The following FLII variants were observed in gnomAD, a reference collection of about 807,000 sequenced individuals.
The protein encoded by FLII is protein flightless-1 homolog.
A neutral mutation model predicts 156.2 loss-of-function variants in FLII; 101 were observed. That is an observed-to-expected ratio of 0.65 (90% CI 0.55 to 0.76). The LOEUF (loss-of-function observed/expected upper bound fraction) is 0.76, where lower values mean the gene tolerates loss of function less well. Ranked by LOEUF, FLII falls within the 30% of genes least tolerant of loss-of-function variation. The probability of loss-of-function intolerance (pLI) is 0.00; values close to 1 mark genes in which losing one functional copy is unlikely to be tolerated. For synonymous variants in FLII, 767 were observed against 685.8 expected, an observed-to-expected ratio of 1.12 and a Z score of -1.85; for missense variants, 1,675 against 1,682.8, an observed-to-expected ratio of 1.00 and a Z score of 0.08.
At chr17:18,252,286 GC>G in intron 10 of FLII, 140 bp from the exon 11 acceptor site, 1 of 928,786 alleles carries the variant, frequency 1.1e-6, no homozygotes, top group Non-Finnish European at 1.7e-6. Flanking sequence ...CACCTCTGGG[GC>G]TGGCTGGGGG....
At chr17:18,250,644 C>A (rs2048231850) in intron 14 of FLII, among the ~76,000 whole-genome samples, 194 bp downstream of exon 14, 1 of 152,176 alleles carries the variant, frequency 6.6e-6, no homozygotes, top group Non-Finnish European at 1.5e-5. Context: ...CCTTTGCTGA[C>A]CCAGGCTTTG....
chr17:18,257,612 T>C (rs563641456), intron 1 of FLII, among the ~76,000 whole-genome samples: 78 of 152,350 alleles, frequency 5.1e-4, no homozygotes, highest in African/African-American at 1.8e-3. Flanking sequence ...GCGGCTGATA[T>C]TCCTTTCCCC....
At position 18,247,176 on chromosome 17, in the gene FLII, A is replaced by T; in HGVS notation, c.2669T>A (p.Leu890Gln). ...LFLPRQPPMS[L>Q]AEAEQLMEEW... The stretch of plus-strand genomic sequence containing the variant: ...TCCCGGCCCTGCCCCCACCTCGGCC[A>T]GCGACATGGGCGGCTGCCGCGGCAG... Residue 890 changes from leucine (L) to glutamine (Q), a missense_variant, in exon 21 of 30, where the codon CTG becomes CAG. By Grantham distance (113) the Leu-to-Gln change is moderately radical. Coordinates refer to ENST00000327031, the MANE Select transcript of FLII (RefSeq NM_002018.4). 1.6e-6 allele frequency: 2 copies of T among 1,265,628 alleles called. No homozygotes were observed. Among genetic ancestry groups the T allele is most frequent in the Non-Finnish European group, 2.0e-6 (2 of 990,144 alleles). 78.4% of individuals were successfully genotyped at this position (1,265,628 alleles called of 1,614,324 possible). A position where few individuals can be genotyped will look rare whatever the true frequency, so the allele number is the denominator to read the frequency against.
chr17:18,246,510 C>A (rs770315054), intron 23 of FLII, 48 bp from the exon 24 acceptor site: 5 of 1,612,392 alleles, frequency 3.1e-6, no homozygotes, highest in Non-Finnish European at 4.2e-6. Flanking sequence ...CCCCACCTGC[C>A]CCTCGGGAGC....
intron 7 of FLII, 180 bp from the exon 8 acceptor site, chr17:18,253,899 T>A: frequency 1.3e-6 from 1 of 773,896 alleles, no homozygotes. Context: ...TGCGGGGGAG[T>A]TTTCTAGGCA....
intron 21 of FLII, 46 bp downstream of exon 21, chr17:18,247,123 G>T (rs1455145897): frequency 1.7e-5 from 21 of 1,249,230 alleles, no homozygotes; most frequent in South Asian, 9.7e-5. Flanking sequence ...CCCTCGGCCT[G>T]CCCCCCACCC....
At chr17:18,252,225 G>T in intron 10 of FLII, 79 bp from the exon 11 acceptor site, 1 of 1,362,826 alleles carries the variant, frequency 7.3e-7, no homozygotes, top group Non-Finnish European at 1.0e-6. Context: ...TCTTGCTCTT[G>T]TCTGCAGCCG....
rs1256169771 is a variant in FLII, at chr17:18,258,442, C to G, written c.63+186G>C. The G allele has an allele frequency of 1.3e-6, 2 of 1,495,620 alleles. No individual in the cohort carries two copies. Among genetic ancestry groups the G allele is most frequent in the South Asian group, 2.5e-5 (2 of 80,608 alleles). 92.6% of individuals were successfully genotyped at this position (1,495,620 alleles called of 1,614,324 possible). A position where few individuals can be genotyped will look rare whatever the true frequency, so the allele number is the denominator to read the frequency against. ...CCGGCCTGCCCAGCCTCGGTCTCCC[C>G]GTACAGGCACTGGGCGGAGGCCTCG... is the stretch of plus-strand genomic sequence containing the variant. On this transcript the variant is annotated intron_variant, in intron 1 of 29. Transcript: ENST00000327031. This position sits in a 1 kb window ranked among gnomAD's most constrained non-coding sequence, Gnocchi z 4.2.
rs748005050 is a variant in FLII, at chr17:18,247,003, C to T, written c.2726G>A (p.Gly909Asp). The change falls in exon 22 of 30, where the codon GGT becomes GAT. Residue 909 changes from glycine to aspartate, a missense_variant. Physicochemically the swap from Gly to Asp is moderately conservative, Grantham distance 94 (BLOSUM62 -1). Coordinates refer to ENST00000327031, the MANE Select transcript of FLII (RefSeq NM_002018.4). The stretch of plus-strand genomic sequence containing the variant: ...AAACTTCTTGCCCTCCAGCACGAAA[C>T]CCTCCATGCCGTCTAGGTCTTCGTT... ...EWNEDLDGME[G>D]FVLEGKKFAR... 1.2e-6 allele frequency: 2 copies of T among 1,614,076 alleles called. No homozygotes were observed. Among genetic ancestry groups the T allele is most frequent in the Non-Finnish European group, 1.7e-6 (2 of 1,180,012 alleles).
chr17:18,256,781 C>T, intron 2 of FLII, 128 bp downstream of exon 2: 1 of 787,056 alleles, frequency 1.3e-6, no homozygotes, highest in East Asian at 2.7e-5. Flanking sequence ...GTGCCCACTC[C>T]CTTTCTTCCA....
At position 18,245,789 on chromosome 17, in the gene FLII, G is replaced by C; in HGVS notation, c.3458C>G (p.Pro1153Arg). The change falls in exon 27 of 30, where the codon CCC becomes CGC. Residue 1153 changes from proline (P) to arginine (R), a missense_variant. Physicochemically the swap from Pro to Arg is moderately radical, Grantham distance 103. Around this residue, in one of 2 missense-constraint regions of FLII, gnomAD observed 1,332 missense variants for 1,269.3 expected, o/e 1.05. Transcript: ENST00000327031. ...CATGTACTCGGCATCGTCATCATAG[G>C]GCTTCTGTGCCCCAATGCCCACCCA... Reference protein sequence around the residue: ...FFWVGIGAQKPYDDDAEYMKH... With the variant: ...FFWVGIGAQKRYDDDAEYMKH... 1 of 1,614,000 alleles carries C rather than the reference G, an allele frequency of 6.2e-7. No homozygotes were observed. The highest frequency in any genetic ancestry group is 8.5e-7 in the Non-Finnish European group (1 of 1,179,992).
intron 9 of FLII, 76 bp from the exon 10 acceptor site, chr17:18,252,632 G>A: frequency 8.6e-7 from 1 of 1,160,460 alleles, no homozygotes; most frequent in East Asian, 2.3e-5. Flanking sequence ...CCCTAGTCCT[G>A]GGGAGGGGAG....
Position 18,249,174 on chromosome 17 carries a change from GT to G in FLII, c.1886del (p.Asn629ThrfsTer26). 2 of 1,614,198 alleles carry G rather than the reference GT, an allele frequency of 1.2e-6. No homozygotes were observed. Among genetic ancestry groups the G allele is most frequent in the Non-Finnish European group, 1.7e-6 (2 of 1,180,038 alleles). ...TRMYRVYGKK[N>X]IKLEPVPLKG... ...TGAGGGGCACAGGCTCCAACTTGAT[GT>G]TCTTTTTCCCATACACACGATACAT... On this transcript the variant is annotated frameshift_variant, in exon 16 of 30. Transcript: ENST00000327031. LOFTEE classifies it high-confidence loss of function.
rs1217387200 is a variant in FLII at position 18,254,148 on chromosome 17, G to A, written c.610C>T (p.His204Tyr). 6.2e-7 allele frequency: 1 copy of A among 1,610,830 alleles called. No homozygotes were observed. ...TGGGTGCGCTGGGTGCTCCGCAGGT[G>A]CAGGGTCTGCAGGGCCGTCATCGCT... is the stretch of plus-strand genomic sequence containing the variant. ...LPAMTALQTL[H>Y]LRSTQRTQSN... The change falls in exon 7 of 30, where the codon CAC becomes TAC. Residue 204 changes from histidine to tyrosine, a missense_variant. Around this residue, in one of 2 missense-constraint regions of FLII, gnomAD observed 343 missense variants for 413.5 expected, o/e 0.83. Transcript: ENST00000327031.
chr17:18,248,018 C>G lies in FLII; in HGVS notation c.2206G>C (p.Gly736Arg). ...TTGATCTGTGGCAGCTCCAGGTAGC[C>G]CAAGCCCAGGCCCACCTGGCAGGAA... is the stretch of plus-strand genomic sequence containing the variant. ...PKLYKVGLGL[G>R]YLELPQINYK... The change falls in exon 19 of 30, where the codon GGC becomes CGC. Residue 736 changes from glycine (G) to arginine (R), a missense_variant. Gly to Arg is a moderately radical substitution (Grantham distance 125, BLOSUM62 -2). Transcript: ENST00000327031. The G allele has an allele frequency of 6.2e-7, 1 of 1,613,382 alleles. No individual in the cohort carries two copies. Among genetic ancestry groups the G allele is most frequent in the South Asian group, 1.1e-5 (1 of 91,038 alleles).
chr17:18,245,114 A>G lies in FLII; in HGVS notation c.*24T>C. 6.3e-7 allele frequency: 1 copy of G among 1,596,024 alleles called. No homozygotes were observed. The highest frequency in any genetic ancestry group is 8.6e-7 in the Non-Finnish European group (1 of 1,168,762). ...TGAGGCCCCTTCCTCTTCCTCACCA[A>G]GCCTGGGGCTGTGCCAGCCTGTCTT... On this transcript the variant is annotated 3_prime_UTR_variant, in exon 30 of 30. Transcript: ENST00000327031.
rs1322612811 is a variant in FLII, at chr17:18,258,680, G to A, written c.11C>T (p.Thr4Ile). Residue 4 changes from threonine to isoleucine, a missense_variant, in exon 1 of 30, where the codon ACC becomes ATC. Around this residue, in one of 2 missense-constraint regions of FLII, gnomAD observed 343 missense variants for 413.5 expected, o/e 0.83. Coordinates refer to ENST00000327031, the MANE Select transcript of FLII (RefSeq NM_002018.4). The surrounding 1 kb of genome is among the most constrained non-coding windows in gnomAD (Gnocchi z 4.2). ...GCCACGCACGAACGGCAGCACCCCG[G>A]TGGCCTCCATGGCGCCGCTCTCGCT... MEA[T>I]GVLPFVRGVD... 3 of 1,524,752 alleles carry A rather than the reference G, an allele frequency of 2.0e-6. No homozygotes were observed. Among genetic ancestry groups the A allele is most frequent in the East Asian group, 5.3e-5 (2 of 37,470 alleles). 94.5% of individuals were successfully genotyped at this position (1,524,752 alleles called of 1,614,324 possible).
intron 14 of FLII, 34 bp from the exon 15 acceptor site, chr17:18,249,442 A>T: frequency 6.4e-7 from 1 of 1,562,926 alleles, no homozygotes; most frequent in Non-Finnish European, 8.8e-7. Flanking sequence ...TTCATCACTG[A>T]GCTGCCCCCT....
At chr17:18,245,504 T>TAA (rs1348012892) in intron 28 of FLII, 51 bp downstream of exon 28, 1 of 1,610,906 alleles carries the variant, frequency 6.2e-7, no homozygotes, top group Non-Finnish European at 8.5e-7. Flanking sequence ...CATTTGTAAG[T>TAA]AAGTCTATGG....
Sources: allele counts gnomAD v4.1 joint callset (sites outside exome capture counted in the v4.1 genomes callset), GRCh38; gene constraint gnomAD v4.1.1; regional missense constraint gnomAD v4.1.1; non-coding constraint Gnocchi (gnomAD v3.1); transcripts MANE v1.5; gene names NCBI Gene and HGNC (gene_info 2026-07-23, HGNC 2026-07-21).